TFAP2B: variants seen among roughly 807,000 people sequenced by gnomAD.
TFAP2B encodes transcription factor AP-2-beta.
In TFAP2B, 9 loss-of-function variants were observed where a neutral mutation model predicts 44.3. The ratio of observed to expected loss-of-function variants is 0.20; its 90% CI spans 0.12 to 0.35. The LOEUF is 0.35. Ranked by LOEUF, TFAP2B falls within the 10% of genes least tolerant of loss-of-function variation. TFAP2B has a pLI of 1.00. For synonymous variants in TFAP2B, 270 were observed against 263.8 expected (o/e 1.02, Z -0.23); for missense variants, 509 against 600.0 (o/e 0.85, Z 1.59).
At chr6:50,841,989 G>C (rs1161421791) in intron 6 of TFAP2B, among the ~76,000 whole-genome samples, 1 of 152,212 alleles carries the variant, frequency 6.6e-6, no homozygotes, top group African/African-American at 2.4e-5. Context: ...AGGATTCTTT[G>C]AGTCCAATCA....
chr6:50,847,011 C>T lies in TFAP2B; in HGVS notation c.*3619C>T, dbSNP rs950979636. ...CCTCGAGCTTATCTACACACTGTTC[C>T]TCTGCTACAATGCTTTCCTAGTTAA... On this transcript the variant is annotated 3_prime_UTR_variant, in exon 7 of 7. Transcript: ENST00000393655. 6.6e-6 allele frequency: 1 copy of T among 152,606 alleles called. No homozygotes were observed. The highest frequency in any genetic ancestry group is 2.4e-5 in the African/African-American group (1 of 41,432). 9.5% of individuals were successfully genotyped at this position (152,606 alleles called of 1,614,324 possible).
In TFAP2B at chr6:50,845,267, A is replaced by G. The variant is rs955175731; in HGVS notation, c.*1875A>G. 6.6e-6 allele frequency: 1 copy of G among 152,216 alleles called. No homozygotes were observed. Among genetic ancestry groups the G allele is most frequent in the Admixed American group, 6.5e-5 (1 of 15,284 alleles). 9.4% of individuals were successfully genotyped at this position (152,216 alleles called of 1,614,324 possible). ...AGGATTTATAGTTAGGACCCACTCA[A>G]TTCTCCAGGACTCCCGGTTTTGCCC... On this transcript the variant is annotated 3_prime_UTR_variant, in exon 7 of 7. Coordinates refer to ENST00000393655, the MANE Select transcript of TFAP2B (RefSeq NM_003221.4).
chr6:50,823,956 C>G (rs1014160180), intron 2 of TFAP2B, 91 bp downstream of exon 2: 12 of 1,373,148 alleles, frequency 8.7e-6, no homozygotes, highest in African/African-American at 1.4e-5. Flanking sequence ...GCAGCTCTGT[C>G]TCTTTTTGGG....
In TFAP2B at chr6:50,846,828, T is replaced by A. The variant is rs1762860116; in HGVS notation, c.*3436T>A. The A allele has an allele frequency of 6.6e-6, 1 of 152,668 alleles. No individual in the cohort carries two copies. The highest frequency in any genetic ancestry group is 2.4e-5 in the African/African-American group (1 of 41,446). 9.5% of individuals were successfully genotyped at this position (152,668 alleles called of 1,614,324 possible). On this transcript the variant is annotated 3_prime_UTR_variant, in exon 7 of 7. Transcript: ENST00000393655. ...ACCTTGCATTTTCTTTCCTTCCTTC[T>A]GGCCTCCACACCCATAGCTTTCCTC...
chr6:50,846,101 TGG>T lies in TFAP2B; in HGVS notation c.*2711_*2712del, dbSNP rs528786048. 55 of 152,780 alleles carry T rather than the reference TGG, an allele frequency of 3.6e-4. No individual in the cohort carries two copies. Among genetic ancestry groups the T allele is most frequent in the African/African-American group, 9.6e-4 (40 of 41,562 alleles). The allele number at this position is 152,780 out of a possible 1,614,324, so 9.5% of individuals were successfully genotyped here. ...ACAATCCTAAAGCGGGGAGATGGGA[TGG>T]GAATTGTCTTACTTGGCAAGGCAGG... On this transcript the variant is annotated 3_prime_UTR_variant, in exon 7 of 7. Coordinates refer to ENST00000393655, the MANE Select transcript of TFAP2B (RefSeq NM_003221.4).
intron 4 of TFAP2B, among the ~76,000 whole-genome samples, chr6:50,837,573 C>T (rs1194076226): frequency 6.6e-6 from 1 of 152,198 alleles, no homozygotes; most frequent in Non-Finnish European, 1.5e-5. Context: ...GCGCTCTCCT[C>T]TCTAAGCCAC....
intron 4 of TFAP2B, among the ~76,000 whole-genome samples, chr6:50,837,760 A>G (rs2113952299): frequency 6.7e-6 from 1 of 150,230 alleles, no homozygotes; most frequent in Non-Finnish European, 1.5e-5. Context: ...CTCACAAGAT[A>G]AAAAAAGAAC....
chr6:50,819,853 G>C (rs1388549928), intron 1 of TFAP2B, among the ~76,000 whole-genome samples: 1,308 of 114,072 alleles, frequency 0.011, 14 homozygotes, highest in African/African-American at 0.041. Context: ...GGCGAGGTGG[G>C]AGAGGCGGGC....
At chr6:50,840,478 T>C (rs997800605) in intron 6 of TFAP2B, among the ~76,000 whole-genome samples, 181 bp downstream of exon 6, 2 of 152,172 alleles carry the variant, frequency 1.3e-5, no homozygotes, top group Non-Finnish European at 2.9e-5. Context: ...TCAGGTGTCC[T>C]CTCTGGGGAA....
rs1252802462 is a variant in TFAP2B at position 50,836,287 on chromosome 6, C to A, written c.821+7C>A. 5.0e-6 allele frequency: 8 copies of A among 1,608,782 alleles called. No homozygotes were observed. The highest frequency in any genetic ancestry group is 1.1e-5 in the South Asian group (1 of 90,918). ...TCGGCGGAGTCCTCAGAAGGTAACC[C>A]CACCACGAAAAACAAAAACAAAAAC... On this transcript the variant is annotated splice_region_variant and intron_variant, in intron 4 of 6. Coordinates refer to ENST00000393655, the MANE Select transcript of TFAP2B (RefSeq NM_003221.4).
chr6:50,843,803 A>T lies in TFAP2B; in HGVS notation c.*411A>T. 1 of 166,556 alleles carries T rather than the reference A, an allele frequency of 6.0e-6. No homozygotes were observed. Among genetic ancestry groups the T allele is most frequent in the Non-Finnish European group, 1.3e-5 (1 of 77,714 alleles). The allele number at this position is 166,556 out of a possible 1,614,324, so 10.3% of individuals were successfully genotyped here. ...CAATGCTTTGAGAGCTGGTTGACTGAGACGCACGAACTTTTTAATTTTAAA... is the reference window on the plus strand; with the variant it reads ...CAATGCTTTGAGAGCTGGTTGACTGTGACGCACGAACTTTTTAATTTTAAA... On this transcript the variant is annotated 3_prime_UTR_variant, in exon 7 of 7. Transcript: ENST00000393655.
rs1762783110 is a variant in TFAP2B, at chr6:50,843,716, CAT to C, written c.*326_*327del. 7.7e-6 allele frequency: 2 copies of C among 260,202 alleles called. No homozygotes were observed. The highest frequency in any genetic ancestry group is 6.5e-5 in the South Asian group (1 of 15,456). The allele number at this position is 260,202 out of a possible 1,614,324, so 16.1% of individuals were successfully genotyped here. On this transcript the variant is annotated 3_prime_UTR_variant, in exon 7 of 7. Transcript: ENST00000393655. ...TTTCCCCTTCCCTTTGGAAAATAAA[CAT>C]AAGACTAAACATGAGAAAAACGCTA...
intron 6 of TFAP2B, 100 bp from the exon 7 acceptor site, chr6:50,842,992 G>A: frequency 2.0e-6 from 3 of 1,508,226 alleles, no homozygotes; most frequent in Non-Finnish European, 2.8e-6. Context: ...CTCGCTCTTC[G>A]GTGACCCGGC....
intron 4 of TFAP2B, 124 bp from the exon 5 acceptor site, chr6:50,837,851 G>A: frequency 1.2e-6 from 1 of 823,888 alleles, no homozygotes; most frequent in Non-Finnish European, 2.1e-6. Flanking sequence ...AAAGGAAGGG[G>A]GAAAAATGTG....
chr6:50,820,669 C>G (rs2817376), intron 1 of TFAP2B, among the ~76,000 whole-genome samples: 100,167 of 152,242 alleles, frequency 0.66, 34,449 homozygotes, highest in African/African-American at 0.87. Context: ...TGGTAAAGTC[C>G]AAGGCGCTAG....
chr6:50,838,796 G>A (rs1266428950), intron 5 of TFAP2B, among the ~76,000 whole-genome samples: 1 of 152,182 alleles, frequency 6.6e-6, no homozygotes, highest in Non-Finnish European at 1.5e-5. Context: ...CAGAACAAGA[G>A]GATCTGCAGT....
chr6:50,824,531 C>T (rs1234707873), intron 2 of TFAP2B, among the ~76,000 whole-genome samples: 1 of 152,152 alleles, frequency 6.6e-6, no homozygotes, highest in Non-Finnish European at 1.5e-5. Context: ...ATTCAGGAGT[C>T]CATGATGGTA....
intron 1 of TFAP2B, among the ~76,000 whole-genome samples, chr6:50,821,088 G>T (rs1770331057): frequency 6.6e-6 from 1 of 152,244 alleles, no homozygotes; most frequent in Non-Finnish European, 1.5e-5. Flanking sequence ...AACAGAAATG[G>T]CAGTCAGGCC....
intron 4 of TFAP2B, 100 bp from the exon 5 acceptor site, chr6:50,837,875 A>T: frequency 1.0e-6 from 1 of 979,076 alleles, no homozygotes; most frequent in Non-Finnish European, 1.7e-6. Flanking sequence ...ACCTCAAGTT[A>T]AAACCTCTTC....
Sources: gnomAD v4.1 joint callset for allele counts (sites outside exome capture counted in the v4.1 genomes callset) on GRCh38, gnomAD v4.1.1 for gene constraint, MANE v1.5 for transcripts, NCBI Gene and HGNC (gene_info 2026-07-23, HGNC 2026-07-21) for gene names.